Variants in CTNNA3 observed in about 807,000 individuals in gnomAD.
CTNNA3 encodes catenin alpha-3.
A neutral mutation model predicts 95.7 loss-of-function variants in CTNNA3; 76 were observed. The observed-to-expected ratio is 0.79, with a 90% CI of 0.66 to 0.96. The LOEUF is 0.96. Ranked by LOEUF, CTNNA3 falls within the 40% of genes least tolerant of loss-of-function variation. The pLI is 0.00. For missense variants in CTNNA3, 1,191 were observed against 1,089.8 expected (o/e 1.09, Z -1.31); for synonymous variants, 431 against 374.4 (o/e 1.15, Z -1.74).
intron 7 of CTNNA3, among the ~76,000 whole-genome samples, chr10:67,095,756 A>T (rs1207246660): frequency 6.6e-6 from 1 of 151,834 alleles, no homozygotes; most frequent in African/African-American, 2.4e-5. Flanking sequence ...CCCATAACAC[A>T]TTACAGAGCA....
chr10:66,421,700 G>C (rs61867354), intron 11 of CTNNA3, among the ~76,000 whole-genome samples: 1 of 150,812 alleles, frequency 6.6e-6, no homozygotes, highest in East Asian at 1.9e-4. Context: ...GTTGGGCTTG[G>C]TGGTGCACGC....
At chr10:66,549,674 A>T (rs964060815) in intron 10 of CTNNA3, among the ~76,000 whole-genome samples, 2 of 152,272 alleles carry the variant, frequency 1.3e-5, no homozygotes, top group African/African-American at 4.8e-5. Context: ...GTAATATTTT[A>T]TATTTTCCAT....
intron 9 of CTNNA3, among the ~76,000 whole-genome samples, chr10:66,674,584 A>C (rs1846781605): frequency 6.6e-6 from 1 of 151,388 alleles, no homozygotes; most frequent in African/African-American, 2.4e-5. Context: ...GAAAAAAAAA[A>C]CCTCCCAAAT....
At chr10:67,670,681 C>T (rs548469639) in intron 1 of CTNNA3, among the ~76,000 whole-genome samples, 19 of 152,192 alleles carry the variant, frequency 1.2e-4, no homozygotes, top group Non-Finnish European at 2.2e-4. Flanking sequence ...ATTAGACTGA[C>T]ACAATCAATC....
intron 14 of CTNNA3, among the ~76,000 whole-genome samples, chr10:66,100,820 C>T (rs2081596971): frequency 1.3e-5 from 2 of 152,120 alleles, no homozygotes; most frequent in African/African-American, 2.4e-5. Flanking sequence ...ATTTTTGAAA[C>T]ACTTCCATAT....
intron 5 of CTNNA3, among the ~76,000 whole-genome samples, chr10:67,325,680 T>C (rs987992157): frequency 3.3e-5 from 5 of 152,166 alleles, no homozygotes; most frequent in African/African-American, 1.2e-4. Flanking sequence ...ATGTGTGCCA[T>C]GTGGTCATGA....
At chr10:67,426,830 A>C (rs1183546566) in intron 5 of CTNNA3, among the ~76,000 whole-genome samples, 3 of 152,050 alleles carry the variant, frequency 2.0e-5, no homozygotes, top group African/African-American at 7.2e-5. Context: ...AAAGTTGTTA[A>C]GTAGTAGCAA....
chr10:66,020,596 C>T lies in CTNNA3; in HGVS notation c.2160-31799G>A, dbSNP rs2079182653. ...CTGATGCTCAGGGAGCCCTAGTTAGCCTCAGAGATAATTTGCCAATTGATT... is the reference window on the plus strand; with the variant it reads ...CTGATGCTCAGGGAGCCCTAGTTAGTCTCAGAGATAATTTGCCAATTGATT... On this transcript the variant is annotated intron_variant, in intron 15 of 17. Coordinates refer to ENST00000433211, the MANE Select transcript of CTNNA3 (RefSeq NM_013266.4). Among the ~76,000 whole-genome samples, 4 of 152,104 alleles carry T rather than the reference C, an allele frequency of 2.6e-5. No homozygotes were observed. The South Asian group carries it at 8.3e-4, about 31-fold the overall frequency.
chr10:66,121,755 C>A (rs866111910), intron 13 of CTNNA3, among the ~76,000 whole-genome samples: 3 of 152,032 alleles, frequency 2.0e-5, no homozygotes, highest in Non-Finnish European at 2.9e-5. Flanking sequence ...TTGGATAGAT[C>A]GCTTGAGCCC....
intron 5 of CTNNA3, among the ~76,000 whole-genome samples, chr10:67,262,815 A>G (rs1050555053): frequency 6.6e-6 from 1 of 152,206 alleles, no homozygotes; most frequent in Non-Finnish European, 1.5e-5. Context: ...GTTAAAAATG[A>G]GAATGCAAAA....
intron 7 of CTNNA3, among the ~76,000 whole-genome samples, chr10:66,997,494 A>G (rs1851421084): frequency 6.6e-6 from 1 of 152,142 alleles, no homozygotes; most frequent in African/African-American, 2.4e-5. Flanking sequence ...GTTTAAACCA[A>G]ATTCTTGTCT....
intron 5 of CTNNA3, among the ~76,000 whole-genome samples, chr10:67,392,630 A>C (rs569254615): frequency 6.6e-6 from 1 of 152,336 alleles, no homozygotes; most frequent in Non-Finnish European, 1.5e-5. Context: ...GGCACTCTTC[A>C]CAAGAGCAAA....
intron 15 of CTNNA3, among the ~76,000 whole-genome samples, chr10:65,991,868 T>C (rs2078553522): frequency 6.6e-6 from 1 of 152,088 alleles, no homozygotes; most frequent in African/African-American, 2.4e-5. Flanking sequence ...CCAATCAGTA[T>C]GATGTTAGCT....
At chr10:67,474,206 T>A (rs1182611833) in intron 5 of CTNNA3, among the ~76,000 whole-genome samples, 2 of 152,212 alleles carry the variant, frequency 1.3e-5, no homozygotes, top group Non-Finnish European at 2.9e-5. Context: ...ATAAAGGACT[T>A]GAGCATCCAT....
intron 7 of CTNNA3, among the ~76,000 whole-genome samples, chr10:66,838,584 A>G (rs892438273): frequency 6.6e-6 from 1 of 152,168 alleles, no homozygotes; most frequent in Non-Finnish European, 1.5e-5. Flanking sequence ...CATCAGTTAG[A>G]GATAACTATC....
chr10:66,063,320 A>AAT lies in CTNNA3; in HGVS notation c.2159+5986_2159+5987dup, dbSNP rs60277919. Among the ~76,000 whole-genome samples, 125 of 130,380 alleles carry AAT rather than the reference A, an allele frequency of 9.6e-4. 1 individual carries two copies. The highest frequency in any genetic ancestry group is 1.5e-3 in the Admixed American group (20 of 13,120). 85.5% of individuals were successfully genotyped at this position (130,380 alleles called of 152,430 possible). On this transcript the variant is annotated intron_variant, in intron 15 of 17. Transcript: ENST00000433211. ...AATCTCTCTCTCTATATATATATAT[A>AAT]ATATATATATATATTCCTAGTCGAT... is the stretch of plus-strand genomic sequence containing the variant.
At chr10:66,778,239 T>C (rs936538559) in intron 7 of CTNNA3, among the ~76,000 whole-genome samples, 2 of 152,166 alleles carry the variant, frequency 1.3e-5, no homozygotes, top group Admixed American at 6.5e-5. Context: ...CTAGATTTAT[T>C]TGGCTTCAGT....
chr10:66,280,584 C>T lies in CTNNA3; in HGVS notation c.1770G>A (p.Leu590=). 6.2e-7 allele frequency: 1 copy of T among 1,607,976 alleles called. No individual in the cohort carries two copies. Among genetic ancestry groups the T allele is most frequent in the Non-Finnish European group, 8.5e-7 (1 of 1,177,350 alleles). ...PEFVTQVNVA[L]EALSKSSLNV... is the part of the protein sequence containing the mutation. ...TCAATGAGCTTTTGCTTAAGGCTTCCAAGGCAACATTCACTTGTGTTACAA... is the reference window on the plus strand; with the variant it reads ...TCAATGAGCTTTTGCTTAAGGCTTCTAAGGCAACATTCACTTGTGTTACAA... The change falls in exon 13 of 18, where the codon TTG becomes TTA. Residue 590 remains leucine, a synonymous_variant. Coordinates refer to ENST00000433211, the MANE Select transcript of CTNNA3 (RefSeq NM_013266.4).
chr10:66,735,883 AAAG>A (rs1364813783), intron 9 of CTNNA3, among the ~76,000 whole-genome samples: 2 of 152,222 alleles, frequency 1.3e-5, no homozygotes, highest in Non-Finnish European at 2.9e-5. Context: ...TTTAGGTAGA[AAAG>A]AAGTTGTGTC....
Sources: gnomAD v4.1 joint callset for allele counts (sites outside exome capture counted in the v4.1 genomes callset) on GRCh38, gnomAD v4.1.1 for gene constraint, MANE v1.5 for transcripts, NCBI Gene and HGNC (gene_info 2026-07-23, HGNC 2026-07-21) for gene names.